TACC1: variants seen among roughly 807,000 people sequenced by gnomAD.
The protein encoded by TACC1 is transforming acidic coiled-coil containing protein 1.
Under a neutral mutation model 84.4 loss-of-function variants are expected in TACC1, and 48 were observed. The ratio of observed to expected loss-of-function variants is 0.57; its 90% CI spans 0.45 to 0.72. TACC1 has a LOEUF of 0.72. Among genes scored for constraint, TACC1 ranks in the 30% least tolerant of loss-of-function variants. The pLI is 0.00. For missense variants in TACC1, 920 were observed against 973.0 expected (o/e 0.95, Z 0.72); for synonymous variants, 372 against 376.3 (o/e 0.99, Z 0.13).
chr8:38,752,740 A>G (rs941721792), intron 3 of TACC1, among the ~76,000 whole-genome samples: 1 of 152,248 alleles, frequency 6.6e-6, no homozygotes, highest in Middle Eastern at 3.4e-3. Flanking sequence ...CTTGTGTCAC[A>G]GGCAGGCATA....
At chr8:38,837,289 G>T (rs1009156754) in intron 7 of TACC1, among the ~76,000 whole-genome samples, 1 of 151,552 alleles carries the variant, frequency 6.6e-6, no homozygotes, top group African/African-American at 2.4e-5. Context: ...TGGGCGTGGT[G>T]GTGCATGCCT....
Position 38,836,301 on chromosome 8 carries a change from T to G in TACC1, c.1839+14T>G. On this transcript the variant is annotated intron_variant, in intron 7 of 12. Transcript: ENST00000317827. The stretch of plus-strand genomic sequence containing the variant: ...ATAAGAGAAGAGGTAAAAGCTCTCC[T>G]GTTTAGTCTGCTTATCACTCCATTT... The G allele has an allele frequency of 6.2e-7, 1 of 1,602,504 alleles. No individual in the cohort carries two copies. The highest frequency in any genetic ancestry group is 8.5e-7 in the Non-Finnish European group (1 of 1,178,112).
chr8:38,819,649 C>A lies in TACC1; in HGVS notation c.405C>A (p.Phe135Leu), dbSNP rs747123243. The A allele has an allele frequency of 6.2e-7, 1 of 1,614,212 alleles. No individual in the cohort carries two copies. The highest frequency in any genetic ancestry group is 8.5e-7 in the Non-Finnish European group (1 of 1,180,044). Reference sequence around the variant, plus strand: ...TTGACTCTCACTCAGTCAAGAATTTCAGAGAAGAACCTGAACATGATTTTA... The same window carrying A: ...TTGACTCTCACTCAGTCAAGAATTTAAGAGAAGAACCTGAACATGATTTTA... ...QAIDSHSVKN[F>L]REEPEHDFSK... is the part of the protein sequence containing the mutation. The change falls in exon 3 of 13, where the codon TTC becomes TTA. Residue 135 changes from phenylalanine to leucine, a missense_variant. Coordinates refer to ENST00000317827, the MANE Select transcript of TACC1 (RefSeq NM_006283.3).
chr8:38,777,765 A>G (rs1223706875), intron 3 of TACC1, among the ~76,000 whole-genome samples: 2 of 152,242 alleles, frequency 1.3e-5, no homozygotes, highest in Non-Finnish European at 2.9e-5. Context: ...ACTGCATTTC[A>G]GCCTGGACAA....
chr8:38,807,279 C>G (rs760068512), intron 2 of TACC1, among the ~76,000 whole-genome samples: 5 of 152,166 alleles, frequency 3.3e-5, no homozygotes, highest in Non-Finnish European at 7.3e-5. Context: ...TTTGGTCTTT[C>G]TGGTCGTCAG....
intron 2 of TACC1, among the ~76,000 whole-genome samples, chr8:38,792,787 A>G (rs1340902313): frequency 1.3e-5 from 2 of 151,122 alleles, no homozygotes; most frequent in African/African-American, 2.4e-5. Context: ...TTTTGTAGAG[A>G]TAGGGTCTTG....
chr8:38,783,677 TC>T (rs1451913896), upstream of TACC1, among the ~76,000 whole-genome samples: 1 of 152,190 alleles, frequency 6.6e-6, no homozygotes, highest in Non-Finnish European at 1.5e-5. Flanking sequence ...TGCCTTGGCC[TC>T]CCAAAGTGTG....
At chr8:38,822,382 G>A (rs1038508212) in intron 3 of TACC1, among the ~76,000 whole-genome samples, 1 of 151,894 alleles carries the variant, frequency 6.6e-6, no homozygotes, top group African/African-American at 2.4e-5. Context: ...ACCTGTATAG[G>A]GCCCTTACCA....
chr8:38,814,284 T>A (rs1824907731), intron 2 of TACC1, among the ~76,000 whole-genome samples: 1 of 152,154 alleles, frequency 6.6e-6, no homozygotes, highest in African/African-American at 2.4e-5. Context: ...AGTTTCAGGG[T>A]CAGAATTTTA....
At chr8:38,763,274 C>T (rs1158861357) in intron 3 of TACC1, among the ~76,000 whole-genome samples, 1 of 151,852 alleles carries the variant, frequency 6.6e-6, no homozygotes, top group Non-Finnish European at 1.5e-5. Context: ...CATAGCCTCT[C>T]GAGTAGCTGG....
intron 5 of TACC1, chr8:38,827,638 A>G (rs1249175645): frequency 2.0e-6 from 1 of 489,838 alleles, no homozygotes; most frequent in Non-Finnish European, 3.7e-6. Context: ...TTATAATTTT[A>G]TGTGAATATG....
Position 38,838,513 on chromosome 8 carries a change from A to G in TACC1, c.1883A>G (p.Tyr628Cys), listed in dbSNP as rs1473790385. ...EIEANEWKKK[Y>C]EETRQEVLEM... ...GAAGCAAATGAATGGAAGAAGAAATACGAAGAGACCCGGCAAGAAGTTTTG... is the reference window on the plus strand; with the variant it reads ...GAAGCAAATGAATGGAAGAAGAAATGCGAAGAGACCCGGCAAGAAGTTTTG... The change falls in exon 8 of 13, where the codon TAC becomes TGC. Residue 628 changes from tyrosine to cysteine, a missense_variant. Physicochemically the swap from Tyr to Cys is radical, Grantham distance 194. Transcript: ENST00000317827. 2.5e-6 allele frequency: 4 copies of G among 1,613,940 alleles called. No individual in the cohort carries two copies. Among genetic ancestry groups the G allele is most frequent in the Admixed American group, 3.3e-5 (2 of 60,004 alleles).
At chr8:38,745,219 A>C in exon 3 of TACC1, 1 of 393,144 alleles carries the variant, frequency 2.5e-6, no homozygotes, top group Non-Finnish European at 4.5e-6. Flanking sequence ...GCTCAGCTAA[A>C]GACAAAGATC....
chr8:38,767,898 G>A (rs553123922), intron 3 of TACC1, among the ~76,000 whole-genome samples: 18 of 152,024 alleles, frequency 1.2e-4, no homozygotes, highest in Non-Finnish European at 2.1e-4. Flanking sequence ...GACTCTATCT[G>A]TACAAATAAT....
chr8:38,846,928 C>G lies in TACC1; in HGVS notation c.2349+109C>G, dbSNP rs992264722. ...GTGAAAGAGGCCTTGGCTTTCTACT[C>G]AGACATTTCAGTCCAGCTCCTTTCT... is the stretch of plus-strand genomic sequence containing the variant. On this transcript the variant is annotated intron_variant, in intron 12 of 12. Transcript: ENST00000317827. 11 of 1,305,042 alleles carry G rather than the reference C, an allele frequency of 8.4e-6. No homozygotes were observed. The African/African-American group carries it at 1.5e-4, about 18-fold the overall frequency. The allele number at this position is 1,305,042 out of a possible 1,614,324, so 80.8% of individuals were successfully genotyped here. A position where few individuals can be genotyped will look rare whatever the true frequency, so the allele number is the denominator to read the frequency against.
chr8:38,786,138 T>C (rs900801820), upstream of TACC1, among the ~76,000 whole-genome samples: 2 of 152,092 alleles, frequency 1.3e-5, no homozygotes, highest in Non-Finnish European at 2.9e-5. Context: ...GCACCACAAC[T>C]CGGAAATTAC....
intron 1 of TACC1, among the ~76,000 whole-genome samples, chr8:38,737,347 A>G (rs1412821668): frequency 6.6e-6 from 1 of 152,254 alleles, no homozygotes; most frequent in Non-Finnish European, 1.5e-5. Flanking sequence ...GTGATGCAGC[A>G]TGAAAGAAGA....
At chr8:38,784,226 C>T (rs1816684848), upstream of TACC1, among the ~76,000 whole-genome samples, 3 of 152,094 alleles carry the variant, frequency 2.0e-5, no homozygotes, top group African/African-American at 7.2e-5. Flanking sequence ...CAAGAACTTG[C>T]AGAGGAGTGA....
chr8:38,758,619 T>C (rs1414931979), intron 3 of TACC1, among the ~76,000 whole-genome samples: 2 of 128,432 alleles, frequency 1.6e-5, no homozygotes, highest in Non-Finnish European at 3.1e-5. Flanking sequence ...GCGGAGGTTG[T>C]GGTGAGCCAA....
Sources: allele counts gnomAD v4.1 joint callset (sites outside exome capture counted in the v4.1 genomes callset), GRCh38; gene constraint gnomAD v4.1.1; transcripts MANE v1.5; gene names NCBI Gene and HGNC (gene_info 2026-07-23, HGNC 2026-07-21).